CDH4: variants seen among roughly 807,000 people sequenced by gnomAD.
The protein encoded by CDH4 is cadherin 4, also known as cadherin-4.
Under a neutral mutation model 86.0 loss-of-function variants are expected in CDH4, and 33 were observed. The ratio of observed to expected loss-of-function variants is 0.38; its 90% CI spans 0.29 to 0.51. The LOEUF (loss-of-function observed/expected upper bound fraction) is 0.51, where lower values mean the gene tolerates loss of function less well. CDH4 is among the 20% of genes least tolerant of loss of function. The probability of loss-of-function intolerance (pLI) is 0.86; values close to 1 mark genes in which losing one functional copy is unlikely to be tolerated. For missense variants in CDH4, 1,114 were observed against 1,307.4 expected, an observed-to-expected ratio of 0.85 and a Z score of 2.28; for synonymous variants, 555 against 549.4, an observed-to-expected ratio of 1.01 and a Z score of -0.14.
intron 4 of CDH4, among the ~76,000 whole-genome samples, chr20:61,814,833 A>C (rs950580615): frequency 1.3e-5 from 2 of 152,142 alleles, no homozygotes; most frequent in African/African-American, 4.8e-5. Context: ...TCCTTGCAGT[A>C]AGCCTCCCAG....
intron 4 of CDH4, among the ~76,000 whole-genome samples, chr20:61,820,530 C>G (rs1326430769): frequency 4.6e-5 from 7 of 152,348 alleles, no homozygotes; most frequent in Non-Finnish European, 1.0e-4. Context: ...CACACCGATC[C>G]TCACGTCACC....
intron 2 of CDH4, among the ~76,000 whole-genome samples, chr20:61,643,206 G>A (rs755314621): frequency 6.6e-6 from 1 of 152,194 alleles, no homozygotes; most frequent in Non-Finnish European, 1.5e-5. Flanking sequence ...TCACAGGGAG[G>A]GGGGGTGTAG....
At chr20:61,878,999 C>G (rs545315262) in intron 7 of CDH4, among the ~76,000 whole-genome samples, 1 of 152,214 alleles carries the variant, frequency 6.6e-6, no homozygotes, top group Admixed American at 6.5e-5. Flanking sequence ...TAATTATAAC[C>G]GCTTCTGCAG....
chr20:61,495,857 A>G (rs150740407), intron 2 of CDH4, among the ~76,000 whole-genome samples: 1 of 141,446 alleles, frequency 7.1e-6, no homozygotes, highest in East Asian at 2.2e-4. Flanking sequence ...GAGCTGAGAT[A>G]GTGCCACTGC....
intron 2 of CDH4, among the ~76,000 whole-genome samples, chr20:61,384,820 A>T (rs2084942463): frequency 6.6e-6 from 1 of 152,158 alleles, no homozygotes; most frequent in African/African-American, 2.4e-5. Flanking sequence ...AGGTCATTAA[A>T]CAAATCTCTT....
intron 2 of CDH4, among the ~76,000 whole-genome samples, chr20:61,610,269 T>C (rs1054644912): frequency 1.3e-5 from 2 of 152,236 alleles, no homozygotes; most frequent in Non-Finnish European, 2.9e-5. Context: ...TTTCAGTGAT[T>C]GGCTTATTTT....
At chr20:61,815,541 G>A (rs1980673742) in intron 4 of CDH4, among the ~76,000 whole-genome samples, 1 of 152,164 alleles carries the variant, frequency 6.6e-6, no homozygotes, top group African/African-American at 2.4e-5. Context: ...AGCCTCTGAA[G>A]GTAAAACCAC....
At position 61,362,944 on chromosome 20, in the gene CDH4, G is replaced by A. The variant is rs76087859; in HGVS notation, c.169+108007G>A. ...AACAGGTGGCTTTTTACAAAGCTCC[G>A]TGCCACCTGTGTCCTGTGCCCTTGT... is the stretch of plus-strand genomic sequence containing the variant. On this transcript the variant is annotated intron_variant, in intron 2 of 15. Coordinates refer to ENST00000614565, the MANE Select transcript of CDH4 (RefSeq NM_001794.5). Among the ~76,000 whole-genome samples, 154 of 152,270 alleles carry A rather than the reference G, an allele frequency of 1.0e-3. 1 individual carries two copies. Among genetic ancestry groups the A allele is most frequent in the African/African-American group, 3.1e-3 (128 of 41,550 alleles).
At chr20:61,258,328 T>TAAAAAAA (rs1568770309) in intron 2 of CDH4, among the ~76,000 whole-genome samples, 52 of 1,864 alleles carry the variant, frequency 0.028, 1 homozygote, top group African/African-American at 0.048. Flanking sequence ...AGACTCCGTC[T>TAAAAAAA]CAAAAAAAAA....
At chr20:61,916,079 TC>T (rs1471008900) in intron 9 of CDH4, among the ~76,000 whole-genome samples, 1 of 152,164 alleles carries the variant, frequency 6.6e-6, no homozygotes, top group Non-Finnish European at 1.5e-5. Context: ...GTGTATTTAG[TC>T]TGGGGATGCT....
rs2087871905 is a variant in CDH4, at chr20:61,709,949, A to G, written c.170-33614A>G. ...TTTTTCATTAGCGGGATCGGGCAAG[A>G]CCATCTGTGTGTTGTAGGGAAAAGT... On this transcript the variant is annotated intron_variant, in intron 2 of 15. Coordinates refer to ENST00000614565, the MANE Select transcript of CDH4 (RefSeq NM_001794.5). This position sits in a 1 kb window ranked among gnomAD's most constrained non-coding sequence, Gnocchi z 4.8. 6.6e-6 allele frequency among the ~76,000 whole-genome samples: 1 copy of G among 152,142 alleles called. No individual in the cohort carries two copies. The highest frequency in any genetic ancestry group is 1.5e-5 in the Non-Finnish European group (1 of 68,032).
intron 2 of CDH4, chr20:61,437,233 C>T (rs1192649279): frequency 1.3e-5 from 2 of 152,292 alleles, no homozygotes; most frequent in South Asian, 4.1e-4. Context: ...AGAGAAATGA[C>T]TCGTCTAGCA....
At chr20:61,644,600 C>T (rs890191720) in intron 2 of CDH4, among the ~76,000 whole-genome samples, 3 of 152,186 alleles carry the variant, frequency 2.0e-5, no homozygotes, top group Admixed American at 6.5e-5. Context: ...CACAAGGTCA[C>T]GGAGCGGGCT....
chr20:61,407,176 C>T (rs566761872), intron 2 of CDH4, among the ~76,000 whole-genome samples: 1 of 152,360 alleles, frequency 6.6e-6, no homozygotes, highest in South Asian at 2.1e-4. Context: ...AGAGCCAACA[C>T]AAAGCCTCCT....
intron 2 of CDH4, among the ~76,000 whole-genome samples, chr20:61,345,435 T>G (rs1251883949): frequency 1.3e-5 from 2 of 152,238 alleles, no homozygotes; most frequent in African/African-American, 4.8e-5. Flanking sequence ...ATATAATGTT[T>G]CATTGAACAT....
intron 2 of CDH4, among the ~76,000 whole-genome samples, chr20:61,502,262 C>T (rs936270071): frequency 1.3e-5 from 2 of 152,206 alleles, no homozygotes; most frequent in Non-Finnish European, 2.9e-5. Flanking sequence ...AAACCTGCTC[C>T]TGCTGTAAGG....
intron 6 of CDH4, among the ~76,000 whole-genome samples, chr20:61,863,354 G>A (rs1033543598): frequency 6.6e-6 from 1 of 152,178 alleles, no homozygotes; most frequent in African/African-American, 2.4e-5. Flanking sequence ...GTCTGCTGGG[G>A]GAGAAGGAGG....
chr20:61,455,745 G>A (rs1045186345), intron 2 of CDH4, among the ~76,000 whole-genome samples: 11 of 152,146 alleles, frequency 7.2e-5, no homozygotes, highest in Admixed American at 2.0e-4. Flanking sequence ...CTGCCCCATG[G>A]GGTGGTGCCA....
At chr20:61,545,954 G>A (rs112718917) in intron 2 of CDH4, among the ~76,000 whole-genome samples, 11,827 of 107,878 alleles carry the variant, frequency 0.11, 1,265 homozygotes, top group South Asian at 0.13. Flanking sequence ...GGGATACGGT[G>A]TGTGTTCGTG....
Sources: allele counts gnomAD v4.1 joint callset (sites outside exome capture counted in the v4.1 genomes callset), GRCh38; gene constraint gnomAD v4.1.1; non-coding constraint Gnocchi (gnomAD v3.1); transcripts MANE v1.5; gene names NCBI Gene and HGNC (gene_info 2026-07-23, HGNC 2026-07-21).